The following DAAM2 variants were observed in gnomAD, a reference collection of about 807,000 sequenced individuals.
The protein encoded by DAAM2 is disheveled-associated activator of morphogenesis 2.
In DAAM2, 39 loss-of-function variants were observed where a neutral mutation model predicts 120.7. The ratio of observed to expected loss-of-function variants is 0.32; its 90% CI spans 0.25 to 0.42. DAAM2 has a LOEUF of 0.42. Among genes scored for constraint, DAAM2 ranks in the 10% least tolerant of loss-of-function variants. The probability of loss-of-function intolerance (pLI) is 1.00; values close to 1 mark genes in which losing one functional copy is unlikely to be tolerated. For missense variants in DAAM2, 1,283 were observed against 1,401.7 expected (o/e 0.92, Z 1.35); for synonymous variants, 488 against 524.9 (o/e 0.93, Z 0.96).
At chr6:39,893,078 C>T (rs538395215) in intron 19 of DAAM2, among the ~76,000 whole-genome samples, 11 of 152,324 alleles carry the variant, frequency 7.2e-5, no homozygotes, top group African/African-American at 2.6e-4. Context: ...GGGTTCAGCC[C>T]AAGACATGTG....
intron 1 of DAAM2, among the ~76,000 whole-genome samples, chr6:39,838,780 T>C (rs559047812): frequency 6.6e-6 from 1 of 152,310 alleles, no homozygotes; most frequent in South Asian, 2.1e-4. Flanking sequence ...TGTCTCTGCC[T>C]CCTGAGTAGC....
At chr6:39,856,953 G>T (rs1244677710) in intron 2 of DAAM2, among the ~76,000 whole-genome samples, 1 of 152,186 alleles carries the variant, frequency 6.6e-6, no homozygotes, top group Non-Finnish European at 1.5e-5. Context: ...AGGTGGAAAT[G>T]CCTATGTCAT....
At chr6:39,811,490 G>A (rs1018257982) in intron 1 of DAAM2, among the ~76,000 whole-genome samples, 3 of 152,056 alleles carry the variant, frequency 2.0e-5, no homozygotes, top group Non-Finnish European at 4.4e-5. Flanking sequence ...GGGACTTTTG[G>A]GGAGAGCTCG....
intron 15 of DAAM2, chr6:39,886,055 A>C (rs1394689805): frequency 4.7e-6 from 1 of 214,634 alleles, no homozygotes; most frequent in Non-Finnish European, 9.2e-6. Context: ...AGGATGGAGG[A>C]ATGTCCTCCA....
rs151331132 is a variant in DAAM2 at position 39,805,713 on chromosome 6, C to T, written c.-57+13248C>T. Among the ~76,000 whole-genome samples, 1,121 of 152,166 alleles carry T rather than the reference C, an allele frequency of 7.4e-3. 14 individuals are homozygous for T. Among genetic ancestry groups the T allele is most frequent in the African/African-American group, 0.026 (1,078 of 41,500 alleles). On this transcript the variant is annotated intron_variant, in intron 1 of 24. Coordinates refer to ENST00000274867, the MANE Select transcript of DAAM2 (RefSeq NM_001201427.2). ...GGGACTACAGGCACCCACCACCACACCCGGCTAATTTTTTGTATTTTAGTA... is the reference window on the plus strand; with the variant it reads ...GGGACTACAGGCACCCACCACCACATCCGGCTAATTTTTTGTATTTTAGTA...
At chr6:39,879,687 G>A (rs1765038904) in intron 14 of DAAM2, 2 of 652,038 alleles carry the variant, frequency 3.1e-6, no homozygotes, top group Non-Finnish European at 5.5e-6. Flanking sequence ...TTGACATTGG[G>A]CAATGCTGAC....
chr6:39,883,306 C>A (rs1182969407), intron 14 of DAAM2, among the ~76,000 whole-genome samples: 3 of 151,924 alleles, frequency 2.0e-5, no homozygotes, highest in African/African-American at 7.3e-5. Context: ...TGGACATATC[C>A]CAGTTGTAAA....
rs74533241 is a variant in DAAM2 at position 39,859,047 on chromosome 6, A to T, written c.169-1881A>T. 7.6e-4 allele frequency among the ~76,000 whole-genome samples: 115 copies of T among 152,302 alleles called. 3 individuals are homozygous for T. In the East Asian group the frequency reaches 0.022, roughly 29 times the overall value. ...GCAAAACCACCATTGATTTAGGGGTATAGAGACCACTGGCTGGAAAAGACA... is the reference window on the plus strand; with the variant it reads ...GCAAAACCACCATTGATTTAGGGGTTTAGAGACCACTGGCTGGAAAAGACA... On this transcript the variant is annotated intron_variant, in intron 2 of 24. Transcript: ENST00000274867.
intron 1 of DAAM2, chr6:39,819,672 A>C (rs907307333): frequency 9.2e-5 from 14 of 152,234 alleles, no homozygotes; most frequent in African/African-American, 3.4e-4. Context: ...TGCTCTAACA[A>C]AATACCATAG....
chr6:39,869,633 C>G (rs559233024), intron 7 of DAAM2, among the ~76,000 whole-genome samples: 1 of 152,038 alleles, frequency 6.6e-6, no homozygotes, highest in Admixed American at 6.6e-5. Context: ...ACTTGAAGAG[C>G]AGGTGAACGT....
rs771362616 is a variant in DAAM2, at chr6:39,864,489, C to T, written c.315C>T (p.Arg105=). ...ATSWPDYYID[R]INSMAAMQSL... ...GCTGGCCTGACTATTACATCGACCG[C>T]ATCAATTCCATGGCTGCGGTGAGTG... The change falls in exon 4 of 25, where the codon CGC becomes CGT. Residue 105 remains arginine, a synonymous_variant. Coordinates refer to ENST00000274867, the MANE Select transcript of DAAM2 (RefSeq NM_001201427.2). 6 of 1,612,142 alleles carry T rather than the reference C, an allele frequency of 3.7e-6. No homozygotes were observed. In the East Asian group the frequency reaches 1.3e-4, roughly 36 times the overall value.
Position 39,864,539 on chromosome 6 carries a change from C to T in DAAM2, c.333+32C>T, listed in dbSNP as rs377234542. 41 of 1,575,072 alleles carry T rather than the reference C, an allele frequency of 2.6e-5. No individual in the cohort carries two copies. The South Asian group carries it at 4.4e-4, about 17-fold the overall frequency. On this transcript the variant is annotated intron_variant, in intron 4 of 24. Coordinates refer to ENST00000274867, the MANE Select transcript of DAAM2 (RefSeq NM_001201427.2). ...GGCTGCCCCTCTCCTGCCCTGCCCC[C>T]ACCTGGAAAGGCTACGGCAGGGAGT...
At chr6:39,840,886 C>T (rs1763298177) in intron 1 of DAAM2, among the ~76,000 whole-genome samples, 1 of 151,476 alleles carries the variant, frequency 6.6e-6, no homozygotes, top group African/African-American at 2.4e-5. Context: ...GGGAGAAACA[C>T]AGGATGCTAA....
At chr6:39,867,362 C>T in intron 5 of DAAM2, 148 bp from the exon 6 acceptor site, 1 of 670,876 alleles carries the variant, frequency 1.5e-6, no homozygotes, top group Non-Finnish European at 2.5e-6. Flanking sequence ...GATAGGATTT[C>T]ACTGCTTTAG....
At chr6:39,868,621 T>C in intron 6 of DAAM2, 1 of 572,488 alleles carries the variant, frequency 1.7e-6, no homozygotes, top group East Asian at 2.9e-5. Flanking sequence ...GAGGCAGCAC[T>C]GCCACTGAGG....
intron 17 of DAAM2, among the ~76,000 whole-genome samples, chr6:39,890,331 CTATT>C (rs1765636276): frequency 6.6e-6 from 1 of 152,144 alleles, no homozygotes. Flanking sequence ...GGGGCCAACT[CTATT>C]TATAGCAACT....
rs1057201387 is a variant in DAAM2 at position 39,902,024 on chromosome 6, G to A, written c.3194G>A (p.Arg1065Gln). Residue 1065 changes from arginine (R) to glutamine (Q), a missense_variant, in exon 25 of 25, where the codon CGG (arginine) becomes CAG (glutamine). Arg to Gln is a conservative substitution (Grantham distance 43, BLOSUM62 1). This residue lies in a region of DAAM2 where 748 missense variants were observed against 768.6 expected (regional missense o/e 0.97). Transcript: ENST00000274867. ...GTTACCCGGGAGCGGGCAATAAACC[G>A]GCTAAATTATTGACCTGGGGAACTA... The part of the protein sequence containing the change: ...LEVTRERAIN[R>Q]LNY The A allele has an allele frequency of 1.1e-5, 18 of 1,605,918 alleles. No individual in the cohort carries two copies. Among genetic ancestry groups the A allele is most frequent in the Middle Eastern group, 1.7e-4 (1 of 6,040 alleles).
intron 11 of DAAM2, among the ~76,000 whole-genome samples, chr6:39,877,980 G>A (rs1764939011): frequency 6.6e-6 from 1 of 152,152 alleles, no homozygotes; most frequent in Admixed American, 6.5e-5. Flanking sequence ...GGGTTATAGG[G>A]TATCTAAAGG....
chr6:39,864,510 G>A lies in DAAM2; in HGVS notation c.333+3G>A, dbSNP rs1764342172. On this transcript the variant is annotated splice_donor_region_variant and intron_variant, in intron 4 of 24. Coordinates refer to ENST00000274867, the MANE Select transcript of DAAM2 (RefSeq NM_001201427.2). ...ACCGCATCAATTCCATGGCTGCGGT[G>A]AGTGGCTGCCCCTCTCCTGCCCTGC... 6.2e-7 allele frequency: 1 copy of A among 1,607,192 alleles called. No individual in the cohort carries two copies. Among genetic ancestry groups the A allele is most frequent in the African/African-American group, 1.3e-5 (1 of 74,732 alleles).
Sources: gnomAD v4.1 joint callset for allele counts (sites outside exome capture counted in the v4.1 genomes callset) on GRCh38, gnomAD v4.1.1 for gene constraint, gnomAD v4.1.1 regional missense constraint, MANE v1.5 for transcripts, NCBI Gene and HGNC (gene_info 2026-07-23, HGNC 2026-07-21) for gene names.